Variants in PDE3A observed in about 807,000 individuals in gnomAD.
The protein encoded by PDE3A is cGMP-inhibited 3',5'-cyclic phosphodiesterase 3A.
PDE3A carries 43 observed loss-of-function variants against 98.3 expected under a neutral mutation model. The observed-to-expected ratio is 0.44, with a 90% CI of 0.34 to 0.56. The LOEUF is 0.56. Ranked by LOEUF, PDE3A falls within the 20% of genes least tolerant of loss-of-function variation. The probability of loss-of-function intolerance (pLI) is 0.01; values close to 1 mark genes in which losing one functional copy is unlikely to be tolerated. For missense variants in PDE3A, 1,427 were observed against 1,440.7 expected (o/e 0.99, Z 0.15); for synonymous variants, 663 against 567.9 (o/e 1.17, Z -2.38).
intron 15 of PDE3A, among the ~76,000 whole-genome samples, chr12:20,657,399 C>A (rs1050585768): frequency 6.6e-6 from 1 of 152,070 alleles, no homozygotes; most frequent in African/African-American, 2.4e-5. Flanking sequence ...CTTGACTTTG[C>A]CTAATACTTA....
intron 2 of PDE3A, among the ~76,000 whole-genome samples, chr12:20,581,654 C>T (rs534815325): frequency 6.7e-6 from 1 of 148,336 alleles, no homozygotes; most frequent in East Asian, 2.0e-4. Context: ...GCTCTGTCGC[C>T]CAGGCTGGAG....
At chr12:20,564,158 C>T (rs955648210) in intron 2 of PDE3A, among the ~76,000 whole-genome samples, 3 of 152,028 alleles carry the variant, frequency 2.0e-5, no homozygotes, top group Non-Finnish European at 4.4e-5. Flanking sequence ...TATATTAGTT[C>T]TCTAGCATCC....
intron 8 of PDE3A, among the ~76,000 whole-genome samples, chr12:20,636,463 T>C (rs1211103611): frequency 6.6e-6 from 1 of 152,198 alleles, no homozygotes; most frequent in Non-Finnish European, 1.5e-5. Context: ...AACATCCTCG[T>C]TTGGGACCAA....
chr12:20,669,570 CA>C (rs1945414595), intron 15 of PDE3A, among the ~76,000 whole-genome samples: 1 of 151,960 alleles, frequency 6.6e-6, no homozygotes, highest in Non-Finnish European at 1.5e-5. Context: ...AAAGAATTTC[CA>C]ACCCAGAATT....
chr12:20,514,570 T>C (rs1345492413), intron 1 of PDE3A, among the ~76,000 whole-genome samples: 1 of 152,246 alleles, frequency 6.6e-6, no homozygotes, highest in Non-Finnish European at 1.5e-5. Flanking sequence ...ATTTGAGCTA[T>C]GTGACCTTGA....
intron 2 of PDE3A, among the ~76,000 whole-genome samples, chr12:20,557,519 G>T (rs1487124385): frequency 6.6e-6 from 1 of 152,092 alleles, no homozygotes; most frequent in Non-Finnish European, 1.5e-5. Flanking sequence ...TTTTGCATTT[G>T]CTACTAAAAA....
At position 20,529,148 on chromosome 12, in the gene PDE3A, A is replaced by C. The variant is rs77988711; in HGVS notation, c.961-27512A>C. 7.9e-3 allele frequency among the ~76,000 whole-genome samples: 1,199 copies of C among 152,296 alleles called. 22 individuals carry two copies. The highest frequency in any genetic ancestry group is 0.028 in the African/African-American group (1,148 of 41,562). On this transcript the variant is annotated intron_variant, in intron 1 of 15. Coordinates refer to ENST00000359062, the MANE Select transcript of PDE3A (RefSeq NM_000921.5). ...AAATAAAATCTACCAGAAGAATCAT[A>C]GGTCAATTACTACATGTATAATTGT...
chr12:20,498,796 GTA>G (rs1429512759), intron 1 of PDE3A, among the ~76,000 whole-genome samples: 1 of 152,116 alleles, frequency 6.6e-6, no homozygotes, highest in Non-Finnish European at 1.5e-5. Context: ...CAGATAAAGA[GTA>G]TAATGATGGA....
Position 20,369,601 on chromosome 12 carries a change from G to T in PDE3A, c.317G>T (p.Gly106Val). The T allele has an allele frequency of 1.3e-6, 2 of 1,567,662 alleles. No homozygotes were observed. The highest frequency in any genetic ancestry group is 2.4e-5 in the East Asian group (1 of 42,542). Residue 106 changes from glycine (G) to valine (V), a missense_variant, in exon 1 of 16, where the codon GGA becomes GTA. Gly to Val is a moderately radical substitution (Grantham distance 109). Transcript: ENST00000359062. ...GCGGAGGAGGAGGAAGCAGCCCCGG[G>T]AGCAGAAGGGGGCGTCTTCCCGGGG... ...AAAEEEEAAP[G>V]AEGGVFPGPR...
intron 1 of PDE3A, among the ~76,000 whole-genome samples, chr12:20,424,290 A>G (rs1565544810): frequency 6.6e-6 from 1 of 152,136 alleles, no homozygotes; most frequent in Non-Finnish European, 1.5e-5. Flanking sequence ...TGAGCTAGGA[A>G]AAAGCATTTG....
At chr12:20,673,612 A>G (rs1682363659) in intron 15 of PDE3A, among the ~76,000 whole-genome samples, 1 of 150,696 alleles carries the variant, frequency 6.6e-6, no homozygotes. Context: ...AAAAAACCAA[A>G]GACCGCATAT....
intron 14 of PDE3A, among the ~76,000 whole-genome samples, 197 bp from the exon 15 acceptor site, chr12:20,653,750 C>T (rs1944974837): frequency 6.6e-6 from 1 of 152,138 alleles, no homozygotes; most frequent in African/African-American, 2.4e-5. Context: ...TTCTGTATTT[C>T]TCCTTGATAA....
intron 1 of PDE3A, among the ~76,000 whole-genome samples, chr12:20,378,317 G>A (rs966284854): frequency 1.3e-5 from 2 of 151,550 alleles, no homozygotes; most frequent in South Asian, 2.1e-4. Flanking sequence ...CTATGAATTC[G>A]TTAACAATAG....
chr12:20,385,829 A>T (rs913157202), intron 1 of PDE3A, among the ~76,000 whole-genome samples: 4 of 149,302 alleles, frequency 2.7e-5, no homozygotes, highest in African/African-American at 9.9e-5. Context: ...TAGGAGATAT[A>T]CCTAATGTAA....
At chr12:20,678,566 G>A (rs1279703319) in intron 15 of PDE3A, among the ~76,000 whole-genome samples, 2 of 152,090 alleles carry the variant, frequency 1.3e-5, no homozygotes, top group Admixed American at 1.3e-4. Flanking sequence ...CATGATGTTG[G>A]CTATTATCAG....
intron 1 of PDE3A, among the ~76,000 whole-genome samples, chr12:20,474,177 AT>A (rs1454315731): frequency 2.0e-5 from 3 of 152,108 alleles, no homozygotes; most frequent in African/African-American, 7.2e-5. Context: ...TGTGGTTTTA[AT>A]TTTTATGTCT....
chr12:20,634,749 C>T (rs1034719504), intron 7 of PDE3A, among the ~76,000 whole-genome samples, 153 bp from the exon 8 acceptor site: 18 of 152,110 alleles, frequency 1.2e-4, no homozygotes, highest in Non-Finnish European at 2.4e-4. Flanking sequence ...GTGTGATGTT[C>T]TCCACCCTAT....
rs527387585 is a variant in PDE3A at position 20,523,414 on chromosome 12, C to G, written c.961-33246C>G. Reference sequence around the variant, plus strand: ...AGAGGAGGAGCACTCTCCTTTTCCTCTTGTCTCAGTTGTGATCTTGTCTTC... The same window carrying G: ...AGAGGAGGAGCACTCTCCTTTTCCTGTTGTCTCAGTTGTGATCTTGTCTTC... On this transcript the variant is annotated intron_variant, in intron 1 of 15. Coordinates refer to ENST00000359062, the MANE Select transcript of PDE3A (RefSeq NM_000921.5). 3.3e-5 allele frequency among the ~76,000 whole-genome samples: 5 copies of G among 152,322 alleles called. No homozygotes were observed. The South Asian group carries it at 1.0e-3, about 32-fold the overall frequency.
At chr12:20,612,708 T>A (rs1943897593) in intron 2 of PDE3A, among the ~76,000 whole-genome samples, 1 of 144,724 alleles carries the variant, frequency 6.9e-6, no homozygotes, top group African/African-American at 2.5e-5. Context: ...TATAGTTACT[T>A]ATATAAGTAA....
Sources: allele counts gnomAD v4.1 joint callset (sites outside exome capture counted in the v4.1 genomes callset), GRCh38; gene constraint gnomAD v4.1.1; transcripts MANE v1.5; gene names NCBI Gene and HGNC (gene_info 2026-07-23, HGNC 2026-07-21).